The following ZNF385B variants were observed in gnomAD, a reference collection of about 807,000 sequenced individuals.
The protein encoded by ZNF385B is zinc finger protein 533.
Under a neutral mutation model 39.2 loss-of-function variants are expected in ZNF385B, and 23 were observed. The observed-to-expected ratio is 0.59, with a 90% CI of 0.42 to 0.83. ZNF385B has a LOEUF of 0.83. Among genes scored for constraint, ZNF385B ranks in the 40% least tolerant of loss-of-function variants. The pLI, the probability that ZNF385B is intolerant of heterozygous loss-of-function variation, is 0.00. For missense variants in ZNF385B, 552 were observed against 598.9 expected, an observed-to-expected ratio of 0.92 and a Z score of 0.82; for synonymous variants, 205 against 222.6, an observed-to-expected ratio of 0.92 and a Z score of 0.70.
At chr2:179,638,300 C>T (rs1515277) in intron 3 of ZNF385B, among the ~76,000 whole-genome samples, 140,765 of 152,238 alleles carry the variant, frequency 0.92, 65,194 homozygotes, top group Middle Eastern at 0.96. Context: ...AAAGGAAGAA[C>T]TAATTTACAA....
At chr2:179,782,171 T>G (rs1003827783) in intron 1 of ZNF385B, among the ~76,000 whole-genome samples, 7 of 152,240 alleles carry the variant, frequency 4.6e-5, no homozygotes, top group Non-Finnish European at 8.8e-5. Context: ...GATGTAAGGT[T>G]GGTTCAACAC....
In ZNF385B at chr2:179,538,303, T is replaced by C. The variant is rs371690297; in HGVS notation, c.441+6524A>G. Among the ~76,000 whole-genome samples the C allele has an allele frequency of 2.9e-4, 44 of 152,208 alleles. 2 individuals carry two copies. The highest frequency in any genetic ancestry group is 2.1e-3 in the East Asian group (11 of 5,186). On this transcript the variant is annotated intron_variant, in intron 4 of 9. Transcript: ENST00000410066. ...TATACAAATAAGAGAAAAATACATA[T>C]TCATATGTTTAAATAAAGACTTCAT... is the stretch of plus-strand genomic sequence containing the variant.
chr2:179,859,368 A>T (rs1684859639), intron 1 of ZNF385B, among the ~76,000 whole-genome samples: 1 of 152,218 alleles, frequency 6.6e-6, no homozygotes, highest in Non-Finnish European at 1.5e-5. Flanking sequence ...ATTTTTTTCA[A>T]TATAGATGAT....
intron 1 of ZNF385B, among the ~76,000 whole-genome samples, chr2:179,776,785 C>A (rs964486906): frequency 4.0e-5 from 6 of 151,864 alleles, no homozygotes; most frequent in Non-Finnish European, 7.4e-5. Context: ...ATGTTCAGGG[C>A]GGGAAAACTG....
chr2:179,540,731 C>T (rs1235183040), intron 4 of ZNF385B, among the ~76,000 whole-genome samples: 1 of 152,158 alleles, frequency 6.6e-6, no homozygotes, highest in Non-Finnish European at 1.5e-5. Flanking sequence ...CCTCAAGGAT[C>T]TGATGTTCTA....
chr2:179,443,616 T>C, intron 9 of ZNF385B, 148 bp from the exon 10 acceptor site: 1 of 695,668 alleles, frequency 1.4e-6, no homozygotes, highest in Non-Finnish European at 2.5e-6. Flanking sequence ...ATCATTATTT[T>C]CACAATGCTG....
At position 179,512,890 on chromosome 2, in the gene ZNF385B, T is replaced by C. The variant is rs376209876; in HGVS notation, c.552+5638A>G. On this transcript the variant is annotated intron_variant, in intron 5 of 9. Transcript: ENST00000410066. ...TGCTCATTTACATAACTGTGTATTG[T>C]GTAAATAAAGCTGTAGCATTTTGCT... is the stretch of plus-strand genomic sequence containing the variant. 3.3e-5 allele frequency among the ~76,000 whole-genome samples: 5 copies of C among 152,348 alleles called. No individual in the cohort carries two copies. The East Asian group carries it at 7.7e-4, about 23-fold the overall frequency.
At chr2:179,807,670 C>T (rs1035297373) in intron 1 of ZNF385B, among the ~76,000 whole-genome samples, 4 of 151,588 alleles carry the variant, frequency 2.6e-5, no homozygotes, top group Admixed American at 6.6e-5. Context: ...CCAAGGTGGG[C>T]GGATCATAAG....
chr2:179,812,020 G>T (rs1332408392), intron 1 of ZNF385B, among the ~76,000 whole-genome samples: 1 of 152,082 alleles, frequency 6.6e-6, no homozygotes, highest in African/African-American at 2.4e-5. Flanking sequence ...CATACAAGTG[G>T]CCAATAAACT....
At chr2:179,466,789 C>G (rs576415954) in intron 6 of ZNF385B, among the ~76,000 whole-genome samples, 1 of 151,538 alleles carries the variant, frequency 6.6e-6, no homozygotes, top group African/African-American at 2.4e-5. Flanking sequence ...GGTATGGTGG[C>G]ACACATCTGT....
chr2:179,646,106 C>T (rs1288099330), intron 3 of ZNF385B, among the ~76,000 whole-genome samples: 1 of 152,122 alleles, frequency 6.6e-6, no homozygotes, highest in African/African-American at 2.4e-5. Context: ...ACAATGCTGC[C>T]AGAGTGATCT....
intron 4 of ZNF385B, among the ~76,000 whole-genome samples, chr2:179,543,518 A>G (rs1559445389): frequency 1.3e-5 from 2 of 152,172 alleles, no homozygotes; most frequent in Non-Finnish European, 2.9e-5. Context: ...AATAGAGGAT[A>G]CCACTGGCAT....
At chr2:179,757,582 G>A (rs1424093173) in intron 3 of ZNF385B, among the ~76,000 whole-genome samples, 1 of 152,176 alleles carries the variant, frequency 6.6e-6, no homozygotes, top group Non-Finnish European at 1.5e-5. Context: ...GAGGCATGCA[G>A]GCCTCCTTGA....
intron 3 of ZNF385B, among the ~76,000 whole-genome samples, chr2:179,547,246 T>C (rs1433550266): frequency 6.7e-6 from 1 of 149,646 alleles, no homozygotes; most frequent in Non-Finnish European, 1.5e-5. Flanking sequence ...CATTTTTGCT[T>C]TCCTTGCCTG....
intron 3 of ZNF385B, among the ~76,000 whole-genome samples, chr2:179,635,114 C>G (rs1360809597): frequency 6.6e-6 from 1 of 151,120 alleles, no homozygotes; most frequent in Non-Finnish European, 1.5e-5. Context: ...TGCACTCCAG[C>G]CTGGGCAACA....
At chr2:179,803,313 TA>T (rs1199201597) in intron 1 of ZNF385B, among the ~76,000 whole-genome samples, 8 of 152,134 alleles carry the variant, frequency 5.3e-5, no homozygotes, top group African/African-American at 1.9e-4. Context: ...AATGTTTCGT[TA>T]TACTTAACAA....
chr2:179,681,197 G>T (rs1359125405), intron 3 of ZNF385B, among the ~76,000 whole-genome samples: 1 of 151,414 alleles, frequency 6.6e-6, no homozygotes, highest in Non-Finnish European at 1.5e-5. Flanking sequence ...ATTTATTAAG[G>T]TCAATAACAG....
At chr2:179,498,978 A>G (rs1278302141) in intron 5 of ZNF385B, among the ~76,000 whole-genome samples, 2 of 152,032 alleles carry the variant, frequency 1.3e-5, no homozygotes, top group African/African-American at 4.8e-5. Flanking sequence ...CAGAAATGAA[A>G]AAGGAGACAT....
intron 4 of ZNF385B, among the ~76,000 whole-genome samples, chr2:179,537,313 A>AT (rs2059631800): frequency 7.0e-6 from 1 of 142,478 alleles, no homozygotes; most frequent in African/African-American, 2.8e-5. Context: ...CAAAAAAAAA[A>AT]AAATAAATAA....
Sources: allele counts gnomAD v4.1 joint callset (sites outside exome capture counted in the v4.1 genomes callset), GRCh38; gene constraint gnomAD v4.1.1; transcripts MANE v1.5; gene names NCBI Gene and HGNC (gene_info 2026-07-23, HGNC 2026-07-21).